Variants in CUL1 observed in about 807,000 individuals in gnomAD.
CUL1 encodes the protein cullin-1.
A neutral mutation model predicts 118.0 loss-of-function variants in CUL1; 24 were observed. That is an observed-to-expected ratio of 0.20 (90% CI 0.15 to 0.29). CUL1 has a LOEUF of 0.29. Among genes scored for constraint, CUL1 ranks in the 10% least tolerant of loss-of-function variants. CUL1 has a pLI of 1.00. For missense variants in CUL1, 361 were observed against 933.8 expected, an observed-to-expected ratio of 0.39 and a Z score of 7.99; for synonymous variants, 332 against 340.4, an observed-to-expected ratio of 0.98 and a Z score of 0.27.
chr7:148,716,162 T>C (rs376883739), intron 1 of CUL1, among the ~76,000 whole-genome samples: 185 of 152,310 alleles, frequency 1.2e-3, no homozygotes, highest in African/African-American at 4.2e-3. Context: ...AGTACAACTT[T>C]TTGCTTTTTT....
intron 3 of CUL1, among the ~76,000 whole-genome samples, chr7:148,754,788 C>T (rs529837787): frequency 6.6e-6 from 1 of 151,766 alleles, no homozygotes; most frequent in Non-Finnish European, 1.5e-5. Context: ...GTTCTGTCAC[C>T]CAGGCTGGAG....
chr7:148,739,559 C>G (rs867883985), intron 2 of CUL1, among the ~76,000 whole-genome samples: 3 of 152,128 alleles, frequency 2.0e-5, no homozygotes, highest in Non-Finnish European at 4.4e-5. Context: ...CCAAGTCTTT[C>G]GCCTCCTGTT....
At chr7:148,708,022 G>T (rs1039207030) in intron 1 of CUL1, among the ~76,000 whole-genome samples, 1 of 152,052 alleles carries the variant, frequency 6.6e-6, no homozygotes, top group Non-Finnish European at 1.5e-5. Flanking sequence ...TTTTTTCTTG[G>T]GTGACCTCCT....
At chr7:148,733,969 A>C (rs373046033) in intron 2 of CUL1, among the ~76,000 whole-genome samples, 1 of 152,126 alleles carries the variant, frequency 6.6e-6, no homozygotes, top group Non-Finnish European at 1.5e-5. Flanking sequence ...ATTATACAGC[A>C]TAAATATTTA....
At chr7:148,741,242 T>G (rs544104399) in intron 2 of CUL1, among the ~76,000 whole-genome samples, 237 of 152,232 alleles carry the variant, frequency 1.6e-3, no homozygotes, top group Non-Finnish European at 2.9e-3. Flanking sequence ...TGTAGACATA[T>G]GTTTTCATTT....
At chr7:148,756,863 G>A in intron 3 of CUL1, 120 bp from the exon 4 acceptor site, 1 of 540,906 alleles carries the variant, frequency 1.8e-6, no homozygotes, top group East Asian at 3.2e-5. Context: ...ATAATTTAAA[G>A]AAGCCATCTA....
At chr7:148,748,606 A>G (rs185271912) in intron 2 of CUL1, among the ~76,000 whole-genome samples, 65 of 152,356 alleles carry the variant, frequency 4.3e-4, no homozygotes, top group African/African-American at 1.5e-3. Context: ...TAATAAGCAG[A>G]CAAATCAGAA....
At chr7:148,748,642 A>G (rs1156956065) in intron 2 of CUL1, among the ~76,000 whole-genome samples, 1 of 152,198 alleles carries the variant, frequency 6.6e-6, no homozygotes, top group South Asian at 2.1e-4. Context: ...TGAAAAATAG[A>G]GTTGACCAGC....
At chr7:148,702,782 C>T (rs1037800538) in intron 1 of CUL1, among the ~76,000 whole-genome samples, 5 of 152,212 alleles carry the variant, frequency 3.3e-5, no homozygotes, top group Non-Finnish European at 7.3e-5. Flanking sequence ...GTTGTCCTGC[C>T]TATGTCACTA....
At chr7:148,790,817 C>A (rs912155114) in intron 16 of CUL1, among the ~76,000 whole-genome samples, 1 of 152,170 alleles carries the variant, frequency 6.6e-6, no homozygotes, top group African/African-American at 2.4e-5. Context: ...TTCATTATAT[C>A]AGCTCTCCAC....
At chr7:148,760,297 T>TA in intron 6 of CUL1, 36 bp from the exon 7 acceptor site, 10 of 1,554,498 alleles carry the variant, frequency 6.4e-6, no homozygotes, top group Non-Finnish European at 8.7e-6. Context: ...ACCAAAAAAA[T>TA]AGGGTAATTG....
intron 2 of CUL1, among the ~76,000 whole-genome samples, chr7:148,751,118 C>A (rs964701074): frequency 6.6e-6 from 1 of 152,090 alleles, no homozygotes; most frequent in Non-Finnish European, 1.5e-5. Context: ...GCTGGATAGC[C>A]GCTTTGTAGC....
chr7:148,738,461 A>C (rs1799034076), intron 2 of CUL1, among the ~76,000 whole-genome samples: 1 of 152,182 alleles, frequency 6.6e-6, no homozygotes, highest in African/African-American at 2.4e-5. Context: ...CCTATTTTGG[A>C]GGCTGAACCA....
intron 1 of CUL1, among the ~76,000 whole-genome samples, chr7:148,724,667 G>A (rs951542848): frequency 6.6e-5 from 10 of 152,118 alleles, no homozygotes; most frequent in Non-Finnish European, 2.9e-5. Flanking sequence ...CCCTGCTGTC[G>A]TCCTGCTTCA....
intron 7 of CUL1, among the ~76,000 whole-genome samples, chr7:148,764,370 C>T (rs547346607): frequency 6.6e-6 from 1 of 152,152 alleles, no homozygotes; most frequent in Non-Finnish European, 1.5e-5. Flanking sequence ...TACCTACGAC[C>T]TTGGTTTCCT....
At chr7:148,710,175 C>G (rs924316362) in intron 1 of CUL1, among the ~76,000 whole-genome samples, 1 of 152,192 alleles carries the variant, frequency 6.6e-6, no homozygotes, top group African/African-American at 2.4e-5. Context: ...ACCCACCACT[C>G]TTAGGGTGAC....
intron 1 of CUL1, among the ~76,000 whole-genome samples, chr7:148,717,470 C>T (rs1246040186): frequency 6.6e-6 from 1 of 151,966 alleles, no homozygotes; most frequent in Non-Finnish European, 1.5e-5. Flanking sequence ...CTGTGTCACC[C>T]CATCCGGTCT....
rs781284769 is a variant in CUL1 at position 148,787,036 on chromosome 7, C to T, written c.1395C>T (p.Phe465=). Residue 465 remains phenylalanine, a synonymous_variant, in exon 13 of 22, where the codon TTC becomes TTT. Transcript: ENST00000325222. This position sits in a 1 kb window ranked among gnomAD's most constrained non-coding sequence, Gnocchi z 5.5. ...AAGACAAAGACGTATTTCAGAAGTT[C>T]TATGCGAAGATGCTCGCCAAGAGGC... ...YIEDKDVFQK[F]YAKMLAKRLV... 8.1e-6 allele frequency: 13 copies of T among 1,613,220 alleles called. No homozygotes were observed. The highest frequency in any genetic ancestry group is 1.3e-5 in the African/African-American group (1 of 74,832).
intron 9 of CUL1, among the ~76,000 whole-genome samples, chr7:148,780,076 C>T (rs1473097450): frequency 6.6e-6 from 1 of 151,340 alleles, no homozygotes. Context: ...TATTGTGGGA[C>T]CTTGTGATTG....
Sources: allele counts gnomAD v4.1 joint callset (sites outside exome capture counted in the v4.1 genomes callset), GRCh38; gene constraint gnomAD v4.1.1; non-coding constraint Gnocchi (gnomAD v3.1); transcripts MANE v1.5; gene names NCBI Gene and HGNC (gene_info 2026-07-23, HGNC 2026-07-21).